SEPSECS: variants seen among roughly 807,000 people sequenced by gnomAD.
SEPSECS encodes the protein O-phosphoseryl-tRNA(Sec) selenium transferase.
In SEPSECS, 42 loss-of-function variants were observed where a neutral mutation model predicts 52.1. The observed-to-expected ratio is 0.81, with a 90% confidence interval of 0.63 to 1.04. The LOEUF is 1.04. Among genes scored for constraint, SEPSECS ranks in the 50% least tolerant of loss-of-function variants. The pLI, the probability that SEPSECS is intolerant of heterozygous loss-of-function variation, is 0.00. For missense variants in SEPSECS, 590 were observed against 610.6 expected (o/e 0.97, Z 0.36); for synonymous variants, 216 against 211.4 (o/e 1.02, Z -0.19).
At chr4:25,160,522 C>A (rs574800529), upstream of SEPSECS, 3 of 641,446 alleles carry the variant, frequency 4.7e-6, no homozygotes, top group Admixed American at 6.1e-5. Context: ...AAAAACACTT[C>A]TCGTTCGTGC....
At chr4:25,148,871 A>G (rs1364939041) in intron 6 of SEPSECS, among the ~76,000 whole-genome samples, 1 of 152,230 alleles carries the variant, frequency 6.6e-6, no homozygotes. Context: ...ATTTTTTAAC[A>G]AATGTCAACT....
rs576133319 is a variant in SEPSECS at position 25,157,694 on chromosome 4, G to A, written c.270-720C>T. On this transcript the variant is annotated intron_variant, in intron 2 of 10. Transcript: ENST00000382103. ...CGTGTAGCTGGGACTACAGGCGCCC[G>A]CCACCACGCCCGGCTAATTTTTTTG... Among the ~76,000 whole-genome samples, 84 of 152,038 alleles carry A rather than the reference G, an allele frequency of 5.5e-4. No individual in the cohort carries two copies. In the Middle Eastern group the frequency reaches 0.017, roughly 31 times the overall value.
chr4:25,154,157 T>C (rs1051450491), intron 5 of SEPSECS, among the ~76,000 whole-genome samples: 2 of 152,146 alleles, frequency 1.3e-5, no homozygotes, highest in African/African-American at 4.8e-5. Flanking sequence ...CTCATGAATG[T>C]AGCAAGGTAA....
chr4:25,156,886 A>T lies in SEPSECS; in HGVS notation c.358T>A (p.Ser120Thr). The T allele has an allele frequency of 6.2e-7, 1 of 1,607,056 alleles. No homozygotes were observed. Among genetic ancestry groups the T allele is most frequent in the Non-Finnish European group, 8.5e-7 (1 of 1,173,600 alleles). The change falls in exon 3 of 11, where the codon TCT becomes ACT. Residue 120 changes from serine to threonine, a missense_variant. Coordinates refer to ENST00000382103, the MANE Select transcript of SEPSECS (RefSeq NM_016955.4). The stretch of plus-strand genomic sequence containing the variant: ...AGCTTTATAATGTCCAGGACCAAAG[A>T]ATTGGTAATTTTGTTCAAAAGGCTA... ...GSSLLNKITNSLVLDIIKLAG... is the reference protein window; with the variant it reads ...GSSLLNKITNTLVLDIIKLAG...
rs1711874156 is a variant in SEPSECS, at chr4:25,145,020, G to T, written c.918C>A (p.Ile306=). 2 of 1,613,750 alleles carry T rather than the reference G, an allele frequency of 1.2e-6. No homozygotes were observed. Among genetic ancestry groups the T allele is most frequent in the South Asian group, 2.2e-5 (2 of 91,038 alleles). ...AGFNDSFIQE[I]SKMYPGRASA... ...TTTATTTACCTGGATACATCTTGCTGATTTCCTGAATGAATGAATCATTAA... is the reference window on the plus strand; with the variant it reads ...TTTATTTACCTGGATACATCTTGCTTATTTCCTGAATGAATGAATCATTAA... The change falls in exon 7 of 11, where the codon ATC becomes ATA. Residue 306 remains isoleucine, a synonymous_variant. Coordinates refer to ENST00000382103, the MANE Select transcript of SEPSECS (RefSeq NM_016955.4).
rs968408741 is a variant in SEPSECS at position 25,120,150 on chromosome 4, T to G, written c.*3781A>C. On this transcript the variant is annotated 3_prime_UTR_variant, in exon 11 of 11. Transcript: ENST00000382103. Reference sequence around the variant, plus strand: ...TTAGCAGGCTGACATCAGCTTCATATTCTCATGGCTAAAATCCCCCACGGT... The same window carrying G: ...TTAGCAGGCTGACATCAGCTTCATAGTCTCATGGCTAAAATCCCCCACGGT... The G allele has an allele frequency of 1.3e-4, 20 of 152,154 alleles. No individual in the cohort carries two copies. Among genetic ancestry groups the G allele is most frequent in the African/African-American group, 4.8e-4 (20 of 41,446 alleles). The allele number at this position is 152,154 out of a possible 1,614,324, so 9.4% of individuals were successfully genotyped here.
At chr4:25,130,282 T>C (rs1234210517) in intron 8 of SEPSECS, among the ~76,000 whole-genome samples, 1 of 152,250 alleles carries the variant, frequency 6.6e-6, no homozygotes, top group Admixed American at 6.5e-5. Context: ...GTACTCAGGT[T>C]AGCTATTTCT....
chr4:25,159,888 A>G (rs1429694475), intron 1 of SEPSECS: 2 of 1,143,896 alleles, frequency 1.7e-6, no homozygotes, highest in African/African-American at 3.2e-5. Flanking sequence ...ACAGTCTACA[A>G]ACACCATTAT....
At chr4:25,156,640 G>C (rs145680435) in intron 3 of SEPSECS, among the ~76,000 whole-genome samples, 1 of 145,350 alleles carries the variant, frequency 6.9e-6, no homozygotes, top group African/African-American at 2.6e-5. Context: ...CCCGGGAGAC[G>C]GAGCTTGCAG....
chr4:25,141,572 T>C (rs1711552580), intron 8 of SEPSECS, among the ~76,000 whole-genome samples: 2 of 152,178 alleles, frequency 1.3e-5, no homozygotes, highest in South Asian at 4.1e-4. Context: ...ACTGCCACCA[T>C]CTAGCTCCCA....
intron 8 of SEPSECS, among the ~76,000 whole-genome samples, chr4:25,130,899 G>A (rs1250027856): frequency 6.6e-6 from 1 of 152,050 alleles, no homozygotes; most frequent in African/African-American, 2.4e-5. Flanking sequence ...CTTCTGTAAA[G>A]AAAGAAATTT....
At chr4:25,151,529 T>C (rs759484802) in intron 6 of SEPSECS, among the ~76,000 whole-genome samples, 6 of 151,984 alleles carry the variant, frequency 3.9e-5, no homozygotes, top group Non-Finnish European at 7.4e-5. Flanking sequence ...TAAAAAAAAA[T>C]ACAAAAACCT....
At chr4:25,152,598 A>T (rs1392547404) in intron 5 of SEPSECS, among the ~76,000 whole-genome samples, 1 of 152,014 alleles carries the variant, frequency 6.6e-6, no homozygotes, top group African/African-American at 2.4e-5. Context: ...ACATTTTCCA[A>T]CAACTTGGAT....
At chr4:25,160,468 C>T, upstream of SEPSECS, 1 of 974,134 alleles carries the variant, frequency 1.0e-6, no homozygotes, top group Non-Finnish European at 1.5e-6. Context: ...GACGGTACGG[C>T]AGCGCCTTGG....
At chr4:25,145,959 T>C (rs1291905683) in intron 6 of SEPSECS, among the ~76,000 whole-genome samples, 11 of 152,242 alleles carry the variant, frequency 7.2e-5, no homozygotes, top group Admixed American at 7.2e-4. Flanking sequence ...ATTATAAACT[T>C]AGATTTCATT....
intron 1 of SEPSECS, among the ~76,000 whole-genome samples, 195 bp from the exon 2 acceptor site, chr4:25,159,302 G>C (rs1712896540): frequency 6.6e-6 from 1 of 152,188 alleles, no homozygotes; most frequent in Admixed American, 6.5e-5. Context: ...ATTATTTACA[G>C]ATTTCGAGAA....
At chr4:25,125,557 T>G in intron 10 of SEPSECS, 137 bp downstream of exon 10, 1 of 701,678 alleles carries the variant, frequency 1.4e-6, no homozygotes, top group Non-Finnish European at 2.6e-6. Flanking sequence ...ATTCTCTAAC[T>G]CATCATTCTT....
At chr4:25,146,127 AAC>A (rs1469689821) in intron 6 of SEPSECS, among the ~76,000 whole-genome samples, 1 of 152,210 alleles carries the variant, frequency 6.6e-6, no homozygotes, top group Non-Finnish European at 1.5e-5. Flanking sequence ...TCTAAATTAC[AAC>A]TAACATAGTC....
chr4:25,128,095 G>C (rs751201648), intron 8 of SEPSECS, among the ~76,000 whole-genome samples: 9 of 151,988 alleles, frequency 5.9e-5, no homozygotes, highest in Non-Finnish European at 1.2e-4. Flanking sequence ...TCTCCTTCCA[G>C]CATATTACCT....
Sources: gnomAD v4.1 joint callset for allele counts (sites outside exome capture counted in the v4.1 genomes callset) on GRCh38, gnomAD v4.1.1 for gene constraint, MANE v1.5 for transcripts, NCBI Gene and HGNC (gene_info 2026-07-23, HGNC 2026-07-21) for gene names.